The following WWOX variants were observed in gnomAD, a reference collection of about 807,000 sequenced individuals.
The protein encoded by WWOX is WW domain-containing oxidoreductase.
In WWOX, 69 loss-of-function variants were observed where a neutral mutation model predicts 46.2. That is an observed-to-expected ratio of 1.49 (90% CI 1.23 to 1.82). The LOEUF is 1.82. Ranked by LOEUF, WWOX falls within the 40% of genes most tolerant of loss-of-function variation. The pLI is 0.00. For synonymous variants in WWOX, 359 were observed against 202.6 expected (o/e 1.77, Z -6.56); for missense variants, 919 against 542.6 (o/e 1.69, Z -6.89).
At chr16:79,172,609 C>T (rs571145784) in intron 8 of WWOX, among the ~76,000 whole-genome samples, 1 of 152,260 alleles carries the variant, frequency 6.6e-6, no homozygotes, top group South Asian at 2.1e-4. Flanking sequence ...TTTTTGCCCT[C>T]CCTCGGAATC....
intron 8 of WWOX, among the ~76,000 whole-genome samples, chr16:79,170,545 C>A (rs529546182): frequency 6.6e-6 from 1 of 152,138 alleles, no homozygotes; most frequent in Non-Finnish European, 1.5e-5. Flanking sequence ...AAAATGAAAT[C>A]TGACTGTAAA....
chr16:78,946,356 A>AC, intron 8 of WWOX, among the ~76,000 whole-genome samples: 1 of 151,756 alleles, frequency 6.6e-6, no homozygotes, highest in East Asian at 1.9e-4. Context: ...TGCCCAGCTA[A>AC]TTTTTTGTAT....
chr16:79,099,144 A>C (rs923895424), intron 8 of WWOX, among the ~76,000 whole-genome samples: 1 of 152,172 alleles, frequency 6.6e-6, no homozygotes, highest in Non-Finnish European at 1.5e-5. Flanking sequence ...GGGAAATCAC[A>C]GAGGGAGAAC....
At chr16:79,205,782 C>CT (rs2051489947) in intron 8 of WWOX, 1 of 152,106 alleles carries the variant, frequency 6.6e-6, no homozygotes, top group African/African-American at 2.4e-5. Flanking sequence ...GTAGGAATGA[C>CT]TGTGTTAGGA....
intron 8 of WWOX, among the ~76,000 whole-genome samples, chr16:79,147,530 A>G (rs1033330200): frequency 1.6e-4 from 25 of 152,224 alleles, no homozygotes; most frequent in African/African-American, 6.0e-4. Context: ...AGTCTTGGCT[A>G]TTGAAAGTAA....
chr16:79,047,133 C>T (rs1037006643), intron 8 of WWOX, among the ~76,000 whole-genome samples: 4 of 152,166 alleles, frequency 2.6e-5, no homozygotes, highest in Non-Finnish European at 5.9e-5. Context: ...TTCATTCATT[C>T]ATTCATTTAT....
chr16:78,831,694 T>G (rs1370388362), intron 8 of WWOX, among the ~76,000 whole-genome samples: 1 of 152,150 alleles, frequency 6.6e-6, no homozygotes, highest in Non-Finnish European at 1.5e-5. Flanking sequence ...AAGAAATAAT[T>G]TATGTAAAGC....
chr16:78,691,346 T>C (rs776374680), intron 8 of WWOX: 5 of 696,372 alleles, frequency 7.2e-6, no homozygotes, highest in Non-Finnish European at 1.3e-5. Flanking sequence ...AACATAGCTT[T>C]ATCTTATGAC....
chr16:79,080,046 G>A (rs1297226401), intron 8 of WWOX, among the ~76,000 whole-genome samples: 1 of 152,172 alleles, frequency 6.6e-6, no homozygotes, highest in East Asian at 1.9e-4. Flanking sequence ...GAATATAGCA[G>A]GATATACAAA....
intron 8 of WWOX, among the ~76,000 whole-genome samples, chr16:78,532,620 G>A (rs1366796539): frequency 6.6e-6 from 1 of 152,180 alleles, no homozygotes; most frequent in African/African-American, 2.4e-5. Flanking sequence ...AAAGAAAAAG[G>A]TTTATTGGAC....
intron 8 of WWOX, among the ~76,000 whole-genome samples, chr16:79,194,512 T>C (rs1401079275): frequency 6.6e-6 from 1 of 152,098 alleles, no homozygotes; most frequent in African/African-American, 2.4e-5. Context: ...AGGACACAAG[T>C]GGTTTAACAA....
intron 5 of WWOX, among the ~76,000 whole-genome samples, chr16:78,204,039 C>G (rs907966152): frequency 2.0e-5 from 3 of 152,280 alleles, no homozygotes; most frequent in Admixed American, 2.0e-4. Context: ...TCAGCCATCC[C>G]CTCAACTCCA....
At chr16:78,194,814 C>T (rs915792251) in intron 5 of WWOX, among the ~76,000 whole-genome samples, 1 of 152,070 alleles carries the variant, frequency 6.6e-6, no homozygotes, top group Non-Finnish European at 1.5e-5. Flanking sequence ...TCCTTTTAAA[C>T]TTCCTCTACT....
At chr16:78,609,154 C>G (rs2045837050) in intron 8 of WWOX, among the ~76,000 whole-genome samples, 2 of 152,128 alleles carry the variant, frequency 1.3e-5, no homozygotes, top group African/African-American at 2.4e-5. Context: ...TATTTGAAAT[C>G]TTTCTATCCT....
At chr16:78,744,104 G>A (rs1036901309) in intron 8 of WWOX, among the ~76,000 whole-genome samples, 3 of 152,132 alleles carry the variant, frequency 2.0e-5, no homozygotes, top group African/African-American at 7.2e-5. Flanking sequence ...GAGTATTGGG[G>A]TACACCACAG....
intron 5 of WWOX, among the ~76,000 whole-genome samples, chr16:78,376,898 G>A (rs1292172691): frequency 2.0e-5 from 3 of 152,188 alleles, no homozygotes; most frequent in East Asian, 3.8e-4. Flanking sequence ...CAAGTCCACC[G>A]TGTGGAATGT....
At chr16:78,262,437 A>G (rs1352639562) in intron 5 of WWOX, among the ~76,000 whole-genome samples, 1 of 152,188 alleles carries the variant, frequency 6.6e-6, no homozygotes, top group African/African-American at 2.4e-5. Context: ...TAATTTATTT[A>G]TTCAGTAAAT....
At chr16:78,441,093 C>T (rs938860061) in intron 8 of WWOX, among the ~76,000 whole-genome samples, 1 of 152,128 alleles carries the variant, frequency 6.6e-6, no homozygotes, top group Non-Finnish European at 1.5e-5. Flanking sequence ...CAGGTGTGCA[C>T]CACCACGCAC....
chr16:79,034,621 A>G (rs1029973827), intron 8 of WWOX, among the ~76,000 whole-genome samples: 1 of 152,116 alleles, frequency 6.6e-6, no homozygotes, highest in African/African-American at 2.4e-5. Flanking sequence ...GATTGTCTCA[A>G]AGGCATTAAT....
Sources: gnomAD v4.1 joint callset for allele counts (sites outside exome capture counted in the v4.1 genomes callset) on GRCh38, gnomAD v4.1.1 for gene constraint, MANE v1.5 for transcripts, NCBI Gene and HGNC (gene_info 2026-07-23, HGNC 2026-07-21) for gene names.